ACY1: variants seen among roughly 807,000 people sequenced by gnomAD.
ACY1 encodes aminoacylase 1, also known as aminoacylase-1.
Under a neutral mutation model 53.3 loss-of-function variants are expected in ACY1, and 38 were observed. The ratio of observed to expected loss-of-function variants is 0.71; its 90% CI spans 0.55 to 0.93. The LOEUF is 0.93. Ranked by LOEUF, ACY1 falls within the 40% of genes least tolerant of loss-of-function variation. The pLI is 0.00. For synonymous variants in ACY1, 177 were observed against 202.1 expected, an observed-to-expected ratio of 0.88 and a Z score of 1.05; for missense variants, 484 against 540.9, an observed-to-expected ratio of 0.89 and a Z score of 1.04.
chr3:51,986,556 T>C, intron 7 of ACY1, 49 bp from the exon 8 acceptor site: 1 of 1,614,036 alleles, frequency 6.2e-7, no homozygotes. Flanking sequence ...AGGAGGCTGC[T>C]AGTGGGGACT....
At chr3:51,987,738 TGACA>T (rs1389003830) in intron 12 of ACY1, 114 bp downstream of exon 12, 3 of 1,121,550 alleles carry the variant, frequency 2.7e-6, no homozygotes, top group Admixed American at 2.2e-5. Context: ...TCTTTATCTG[TGACA>T]GACACATTTT....
Position 51,985,875 on chromosome 3 carries a change from T to G in ACY1, c.288T>G (p.Phe96Leu). 2.5e-6 allele frequency: 4 copies of G among 1,613,778 alleles called. No individual in the cohort carries two copies. Among genetic ancestry groups the G allele is most frequent in the Non-Finnish European group, 3.4e-6 (4 of 1,179,880 alleles). The change falls in exon 5 of 15, where the codon TTT (phenylalanine) becomes TTG (leucine). Residue 96 changes from phenylalanine to leucine, a missense_variant. Transcript: ENST00000636358. ...AGGAACATTGGAGTCACGACCCCTT[T>G]GAGGCCTTCAAGGATTCTGAGGGCT... ...VFKEHWSHDPFEAFKDSEGYI... is the reference protein window; with the variant it reads ...VFKEHWSHDPLEAFKDSEGYI...
In ACY1 at chr3:51,989,166, T is replaced by C. The variant is rs150225702; in HGVS notation, c.*91T>C. On this transcript the variant is annotated 3_prime_UTR_variant, in exon 15 of 15. Coordinates refer to ENST00000636358, the MANE Select transcript of ACY1 (RefSeq NM_000666.3). ...TCCCCCTTCCAAATAATAAAGTCTA[T>C]GGACAGGGCTGTCTCTGAAGTACTA... 108 of 1,546,722 alleles carry C rather than the reference T, an allele frequency of 7.0e-5. 1 individual carries two copies. Among genetic ancestry groups the C allele is most frequent in the Middle Eastern group, 2.2e-4 (1 of 4,544 alleles).
intron 10 of ACY1, 31 bp from the exon 11 acceptor site, chr3:51,987,278 T>C (rs751392988): frequency 1.1e-5 from 18 of 1,613,922 alleles, no homozygotes; most frequent in Non-Finnish European, 1.5e-5. Flanking sequence ...CTTTTATCTG[T>C]TGCTGCCGCT....
intron 2 of ACY1, 161 bp downstream of exon 2, chr3:51,984,319 G>C: frequency 5.7e-6 from 4 of 706,124 alleles, no homozygotes; most frequent in Non-Finnish European, 1.0e-5. Context: ...GACTGAGGCA[G>C]CCCCTCCAGG....
At chr3:51,986,863 CCT>C in intron 8 of ACY1, 123 bp from the exon 9 acceptor site, 1 of 1,265,492 alleles carries the variant, frequency 7.9e-7, no homozygotes, top group South Asian at 1.3e-5. Context: ...TGCTACGGGC[CCT>C]GAGTGGGGAC....
rs1199616991 is a variant in ACY1, at chr3:51,987,820, G to A, written c.921+196G>A. The A allele has an allele frequency of 6.5e-6, 4 of 614,096 alleles. No homozygotes were observed. The East Asian group carries it at 8.4e-5, about 13-fold the overall frequency. The allele number at this position is 614,096 out of a possible 1,614,324, so 38.0% of individuals were successfully genotyped here. ...GGAATGCTGTGGGGAGTAAAATTAG[G>A]CACAGTTCATGCCCTTGTATGGTGA... On this transcript the variant is annotated intron_variant, in intron 12 of 14. Transcript: ENST00000636358.
intron 1 of ACY1, 105 bp downstream of exon 1, chr3:51,983,694 T>C: frequency 3.3e-6 from 1 of 307,134 alleles, no homozygotes; most frequent in Non-Finnish European, 6.1e-6. Flanking sequence ...TTTTTGTTTT[T>C]GCCTTTTTTT....
At position 51,989,107 on chromosome 3, in the gene ACY1, G is replaced by GCTT; in HGVS notation, c.*34_*36dup. On this transcript the variant is annotated 3_prime_UTR_variant, in exon 15 of 15. Transcript: ENST00000636358. ...GAACTCCTAAACCTTTGCCCCTGGG[G>GCTT]CTTCCATCCCAACCAGTGCCAAGGA... 1.2e-6 allele frequency: 2 copies of GCTT among 1,610,428 alleles called. No homozygotes were observed. The highest frequency in any genetic ancestry group is 1.7e-6 in the Non-Finnish European group (2 of 1,179,998).
In ACY1 at chr3:51,986,652, A is replaced by G; in HGVS notation, c.574A>G (p.Ser192Gly). 1 of 1,614,056 alleles carries G rather than the reference A, an allele frequency of 6.2e-7. No homozygotes were observed. Among genetic ancestry groups the G allele is most frequent in the Non-Finnish European group, 8.5e-7 (1 of 1,180,008 alleles). ...CTTCACTGTCTTTTATAGTGAGCGGAGTCCCTGGTGTAAGTATGAGCTTGG... is the reference window on the plus strand; with the variant it reads ...CTTCACTGTCTTTTATAGTGAGCGGGGTCCCTGGTGTAAGTATGAGCTTGG... Reference protein sequence around the residue: ...DAFTVFYSERSPWWVRVTSTG... With the variant: ...DAFTVFYSERGPWWVRVTSTG... Residue 192 changes from serine (S) to glycine (G), a missense_variant, in exon 8 of 15, where the codon AGT (serine) becomes GGT (glycine). Transcript: ENST00000636358.
intron 8 of ACY1, 31 bp downstream of exon 8, chr3:51,986,692 C>T: frequency 1.2e-6 from 2 of 1,611,970 alleles, no homozygotes; most frequent in South Asian, 2.2e-5. Context: ...AGGGCTCACT[C>T]TACAGGCGGG....
At position 51,987,391 on chromosome 3, in the gene ACY1, G is replaced by A. The variant is rs369735251; in HGVS notation, c.790G>A (p.Val264Met). The A allele has an allele frequency of 2.8e-5, 45 of 1,614,058 alleles. No homozygotes were observed. The highest frequency in any genetic ancestry group is 5.0e-5 in the Admixed American group (3 of 60,012). ...TKLEGGVAYN[V>M]IPATMSASFD... ...GCTAGAGGGTGGCGTGGCCTATAAC[G>A]TGATACCTGCCACCATGAGCGCCAG... Residue 264 changes from valine (V) to methionine (M), a missense_variant, in exon 11 of 15, where the codon GTG (valine) becomes ATG (methionine). Val to Met is a conservative substitution (Grantham distance 21, BLOSUM62 1). Transcript: ENST00000636358.
chr3:51,988,373 G>A (rs1701147654), intron 12 of ACY1, 151 bp from the exon 13 acceptor site: 2 of 730,976 alleles, frequency 2.7e-6, no homozygotes, highest in South Asian at 1.5e-5. Flanking sequence ...GCTGAAAGAG[G>A]ACCTGTGGCT....
In ACY1 at chr3:51,988,588, G is replaced by A. The variant is rs200685202; in HGVS notation, c.986G>A (p.Arg329Gln). The A allele has an allele frequency of 3.0e-5, 49 of 1,614,104 alleles. No homozygotes were observed. Among genetic ancestry groups the A allele is most frequent in the South Asian group, 3.0e-4 (27 of 91,074 alleles). ...AACCCTTGGTGGGCAGCTTTTAGCC[G>A]GGTCTGCAAGGATATGTGAGCACGC... is the stretch of plus-strand genomic sequence containing the variant. ...DSNPWWAAFSRVCKDMNLTLE... is the reference protein window; with the variant it reads ...DSNPWWAAFSQVCKDMNLTLE... Residue 329 changes from arginine to glutamine, a missense_variant, in exon 13 of 15, where the codon CGG becomes CAG. Physicochemically the swap from Arg to Gln is conservative, Grantham distance 43. Coordinates refer to ENST00000636358, the MANE Select transcript of ACY1 (RefSeq NM_000666.3).
intron 2 of ACY1, 195 bp from the exon 3 acceptor site, chr3:51,985,012 A>T: frequency 1.5e-6 from 1 of 651,368 alleles, no homozygotes. Flanking sequence ...ATCCCCCTGG[A>T]CTTCCAGAAA....
Position 51,986,944 on chromosome 3 carries a change from G to A in ACY1, c.584-44G>A, listed in dbSNP as rs761366650. 21 of 1,600,236 alleles carry A rather than the reference G, an allele frequency of 1.3e-5. 1 individual carries two copies. The highest frequency in any genetic ancestry group is 2.2e-4 in the Middle Eastern group (1 of 4,460). The stretch of plus-strand genomic sequence containing the variant: ...CCACCCCAGGCTGATTGTGTCTCCA[G>A]CCCCTCAGGCTGAAGACACTGCCTT... On this transcript the variant is annotated intron_variant, in intron 8 of 14. Transcript: ENST00000636358.
intron 2 of ACY1, 72 bp downstream of exon 2, chr3:51,984,230 A>C (rs1700980884): frequency 2.8e-6 from 4 of 1,410,432 alleles, no homozygotes; most frequent in Non-Finnish European, 4.0e-6. Context: ...ACCAGCCTCC[A>C]ACCCCTGTCA....
chr3:51,986,017 G>A (rs1176045638), intron 5 of ACY1, 71 bp downstream of exon 5: 1 of 1,462,362 alleles, frequency 6.8e-7, no homozygotes, highest in Admixed American at 1.9e-5. Context: ...GGACCTGAGG[G>A]GGTGATTGGA....
intron 5 of ACY1, 53 bp from the exon 6 acceptor site, chr3:51,986,202 G>A: frequency 6.3e-7 from 1 of 1,588,542 alleles, no homozygotes; most frequent in Non-Finnish European, 8.6e-7. Context: ...CTGCCTGTGG[G>A]GCCAGCCTGC....
Sources: allele counts gnomAD v4.1 joint callset, GRCh38; gene constraint gnomAD v4.1.1; transcripts MANE v1.5; gene names NCBI Gene and HGNC (gene_info 2026-07-23, HGNC 2026-07-21).